The following ZFR variants were observed in gnomAD, a reference collection of about 807,000 sequenced individuals.
ZFR encodes zinc finger RNA binding protein.
In ZFR, 19 loss-of-function variants were observed where a neutral mutation model predicts 130.7. The observed-to-expected ratio is 0.15, with a 90% CI of 0.10 to 0.21. The LOEUF (loss-of-function observed/expected upper bound fraction) is 0.21. ZFR is among the 10% of genes least tolerant of loss of function. The pLI is 1.00. For synonymous variants in ZFR, 466 were observed against 456.9 expected (o/e 1.02, Z -0.25); for missense variants, 872 against 1,321.5 (o/e 0.66, Z 5.27).
intron 17 of ZFR, among the ~76,000 whole-genome samples, chr5:32,368,247 C>A (rs1000447330): frequency 1.3e-5 from 2 of 149,586 alleles, no homozygotes; most frequent in Admixed American, 1.3e-4. Context: ...ACTTTTTTCC[C>A]CCCCCAACAA....
intron 2 of ZFR, among the ~76,000 whole-genome samples, chr5:32,432,228 G>A (rs1385243612): frequency 6.6e-6 from 1 of 152,038 alleles, no homozygotes; most frequent in Non-Finnish European, 1.5e-5. Context: ...CTTTGATTGC[G>A]CCACTGCAAG....
chr5:32,431,465 A>G (rs1042075418), intron 2 of ZFR, among the ~76,000 whole-genome samples: 2 of 152,242 alleles, frequency 1.3e-5, no homozygotes, highest in African/African-American at 2.4e-5. Context: ...CTGCAGTTAT[A>G]AAGAATGAAG....
At chr5:32,402,372 T>C (rs1419999801) in intron 8 of ZFR, among the ~76,000 whole-genome samples, 1 of 152,136 alleles carries the variant, frequency 6.6e-6, no homozygotes, top group Non-Finnish European at 1.5e-5. Context: ...GCCACTGGAT[T>C]GGCAATTAGG....
chr5:32,425,252 A>G (rs895982360), intron 2 of ZFR, among the ~76,000 whole-genome samples: 3 of 152,198 alleles, frequency 2.0e-5, no homozygotes, highest in Non-Finnish European at 4.4e-5. Context: ...GTGGTTCTCA[A>G]TGTGATCCAG....
rs140176269 is a variant in ZFR at position 32,385,610 on chromosome 5, A to T, written c.2539T>A (p.Ser847Thr). 59 of 1,613,352 alleles carry T rather than the reference A, an allele frequency of 3.7e-5. No individual in the cohort carries two copies. The highest frequency in any genetic ancestry group is 4.9e-5 in the Non-Finnish European group (58 of 1,179,556). ...GAATTCAAAATTATTGCCGCTTCAG[A>T]TACAGCACATTTTATGTCATACTTC... is the stretch of plus-strand genomic sequence containing the variant. Reference protein sequence around the residue: ...PEKYDIKCAVSEAAIILNSCV... With the variant: ...PEKYDIKCAVTEAAIILNSCV... Residue 847 changes from serine (S) to threonine (T), a missense_variant, in exon 15 of 20, where the codon TCT (serine) becomes ACT (threonine). Physicochemically the swap from Ser to Thr is moderately conservative, Grantham distance 58 (BLOSUM62 1). Coordinates refer to ENST00000265069, the MANE Select transcript of ZFR (RefSeq NM_016107.5).
In ZFR at chr5:32,444,611, A is replaced by G. The variant is rs1198859909; in HGVS notation, c.37+11T>C. 4 of 1,494,970 alleles carry G rather than the reference A, an allele frequency of 2.7e-6. No individual in the cohort carries two copies. Among genetic ancestry groups the G allele is most frequent in the African/African-American group, 1.5e-5 (1 of 68,650 alleles). 92.6% of individuals were successfully genotyped at this position (1,494,970 alleles called of 1,614,324 possible). Reference sequence around the variant, plus strand: ...GCCGGGCAGAGGCCTCGCGGGCCACATTAGACTCACCATAGGTGAAAGAAA... The same window carrying G: ...GCCGGGCAGAGGCCTCGCGGGCCACGTTAGACTCACCATAGGTGAAAGAAA... On this transcript the variant is annotated intron_variant, in intron 1 of 19. Coordinates refer to ENST00000265069, the MANE Select transcript of ZFR (RefSeq NM_016107.5).
intron 17 of ZFR, among the ~76,000 whole-genome samples, chr5:32,372,176 C>T (rs148798922): frequency 3.3e-5 from 5 of 152,252 alleles, no homozygotes; most frequent in East Asian, 3.9e-4. Flanking sequence ...AAGCAATCCT[C>T]CAATCATATC....
chr5:32,366,536 C>A (rs879397026), intron 17 of ZFR, among the ~76,000 whole-genome samples: 2 of 152,168 alleles, frequency 1.3e-5, no homozygotes, highest in Non-Finnish European at 2.9e-5. Context: ...TAAACACACA[C>A]AATAAAACTA....
rs116135268 is a variant in ZFR, at chr5:32,420,173, A to C, written c.138-70T>G. On this transcript the variant is annotated intron_variant, in intron 2 of 19. Transcript: ENST00000265069. ...CCAGGAGTTAACCAACTTCAATTAA[A>C]AGCTATTCAACTGAAATAAAAAGCA... 193 of 1,357,804 alleles carry C rather than the reference A, an allele frequency of 1.4e-4. No homozygotes were observed. The African/African-American group carries it at 2.5e-3, about 18-fold the overall frequency. 84.1% of individuals were successfully genotyped at this position (1,357,804 alleles called of 1,614,324 possible). A position where few individuals can be genotyped will look rare whatever the true frequency, so the allele number is the denominator to read the frequency against.
At chr5:32,358,215 G>C (rs919670950) in intron 19 of ZFR, among the ~76,000 whole-genome samples, 38 of 152,132 alleles carry the variant, frequency 2.5e-4, no homozygotes, top group African/African-American at 8.9e-4. Flanking sequence ...AAATTAGCCG[G>C]GTGTGGTGGC....
At chr5:32,392,478 G>A (rs1268442445) in intron 11 of ZFR, among the ~76,000 whole-genome samples, 1 of 152,076 alleles carries the variant, frequency 6.6e-6, no homozygotes, top group Non-Finnish European at 1.5e-5. Flanking sequence ...TAATAACAAC[G>A]TAAGAAACGT....
intron 2 of ZFR, among the ~76,000 whole-genome samples, chr5:32,426,102 ATAAT>A (rs1754067012): frequency 6.6e-6 from 1 of 152,240 alleles, no homozygotes; most frequent in African/African-American, 2.4e-5. Flanking sequence ...AATAAGGTTT[ATAAT>A]TAATAGAAAC....
intron 9 of ZFR, 142 bp from the exon 10 acceptor site, chr5:32,397,480 GT>G: frequency 9.6e-6 from 10 of 1,046,128 alleles, no homozygotes; most frequent in Non-Finnish European, 1.3e-5. Flanking sequence ...CCAGGACAGA[GT>G]CTTGCTCTGT....
chr5:32,395,145 G>A lies in ZFR; in HGVS notation c.1979+14C>T. 1 of 1,578,978 alleles carries A rather than the reference G, an allele frequency of 6.3e-7. No individual in the cohort carries two copies. Among genetic ancestry groups the A allele is most frequent in the Non-Finnish European group, 8.6e-7 (1 of 1,165,862 alleles). ...TGAACCACTTACCAGGCTATTAAAA[G>A]TTAAAGATATTACCTCATTTCCATT... On this transcript the variant is annotated intron_variant, in intron 11 of 19. Coordinates refer to ENST00000265069, the MANE Select transcript of ZFR (RefSeq NM_016107.5).
chr5:32,383,699 A>T, intron 15 of ZFR: 2 of 454,656 alleles, frequency 4.4e-6, no homozygotes, highest in Admixed American at 4.7e-5. Flanking sequence ...AAAGCAAGCT[A>T]TAGGCTTTAA....
intron 17 of ZFR, among the ~76,000 whole-genome samples, chr5:32,367,868 G>C (rs1483733805): frequency 6.6e-6 from 1 of 151,526 alleles, no homozygotes. Context: ...ATTCAAGATG[G>C]AAAAAAAATC....
At chr5:32,360,677 A>G (rs2963987) in intron 19 of ZFR, among the ~76,000 whole-genome samples, 145,216 of 152,300 alleles carry the variant, frequency 0.95, 69,295 homozygotes, top group African/African-American at 0.98. Context: ...CAATTCTCTT[A>G]AGTATATATC....
chr5:32,379,211 C>T lies in ZFR; in HGVS notation c.2740-1G>A, dbSNP rs1375751105. 6.2e-7 allele frequency: 1 copy of T among 1,612,744 alleles called. No homozygotes were observed. Among genetic ancestry groups the T allele is most frequent in the Non-Finnish European group, 8.5e-7 (1 of 1,178,986 alleles). On this transcript the variant is annotated splice_acceptor_variant, in intron 16 of 19. Coordinates refer to ENST00000265069, the MANE Select transcript of ZFR (RefSeq NM_016107.5). LOFTEE classifies it high-confidence loss of function. ...AGGACTGCAGACCATTAGCTCTAGC[C>T]TTGAGAGCAACATAAAAACCAATTG...
chr5:32,415,507 TGTGTGTGTGCGC>T (rs1474049483), intron 4 of ZFR, among the ~76,000 whole-genome samples: 6 of 93,500 alleles, frequency 6.4e-5, no homozygotes, highest in African/African-American at 1.6e-4. Context: ...TGTGTGTGTG[TGTGTGTGTGCGC>T]GCGCGCGCGC....
Sources: gnomAD v4.1 joint callset for allele counts (sites outside exome capture counted in the v4.1 genomes callset) on GRCh38, gnomAD v4.1.1 for gene constraint, MANE v1.5 for transcripts, NCBI Gene and HGNC (gene_info 2026-07-23, HGNC 2026-07-21) for gene names.